The following CORO7 variants were observed in gnomAD, a reference collection of about 807,000 sequenced individuals.
CORO7 encodes coronin-7.
CORO7 carries 107 observed loss-of-function variants against 126.6 expected under a neutral mutation model. The ratio of observed to expected loss-of-function variants is 0.85; its 90% confidence interval spans 0.72 to 0.99. CORO7 has a LOEUF of 0.99. CORO7 is among the 50% of genes least tolerant of loss of function. The probability of loss-of-function intolerance (pLI) is 0.00; values close to 1 mark genes in which losing one functional copy is unlikely to be tolerated. For missense variants in CORO7, 1,314 were observed against 1,255.8 expected (o/e 1.05, Z -0.70); for synonymous variants, 603 against 536.8 (o/e 1.12, Z -1.70).
intron 12 of CORO7, 40 bp from the exon 13 acceptor site, chr16:4,364,729 C>T: frequency 6.3e-7 from 1 of 1,591,910 alleles, no homozygotes; most frequent in African/African-American, 1.3e-5. Context: ...GGCCCAGGCC[C>T]CCCGACTCCC....
Position 4,374,551 on chromosome 16 carries a change from G to T in CORO7, c.786-9006C>A, listed in dbSNP as rs8045158. Among the ~76,000 whole-genome samples, 166 of 152,268 alleles carry T rather than the reference G, an allele frequency of 1.1e-3. 2 individuals carry two copies. The highest frequency in any genetic ancestry group is 3.8e-3 in the African/African-American group (160 of 41,564). ...GGGAGGAGGGAGCCGGCCTACACCGGGAAGGGGCTGGGGCGGCCGCTGGGG... is the reference window on the plus strand; with the variant it reads ...GGGAGGAGGGAGCCGGCCTACACCGTGAAGGGGCTGGGGCGGCCGCTGGGG... On this transcript the variant is annotated intron_variant, in intron 9 of 27. Transcript: ENST00000251166.
Position 4,362,828 on chromosome 16 carries a change from G to C in CORO7, c.1276-90C>G. ...AGCGGACTCCAGGGTCACCACTCTG[G>C]GCCCCCTGCGGACTGGAGGAGCCCC... On this transcript the variant is annotated intron_variant, in intron 14 of 27. Transcript: ENST00000251166. The surrounding 1 kb of genome is among the most constrained non-coding windows in gnomAD (Gnocchi z 5.3). 8.0e-7 allele frequency: 1 copy of C among 1,257,492 alleles called. No homozygotes were observed. 77.9% of individuals were successfully genotyped at this position (1,257,492 alleles called of 1,614,324 possible). A position where few individuals can be genotyped will look rare whatever the true frequency, so the allele number is the denominator to read the frequency against.
chr16:4,392,184 G>A (rs1221123311), intron 7 of CORO7, among the ~76,000 whole-genome samples: 1 of 152,160 alleles, frequency 6.6e-6, no homozygotes, highest in Non-Finnish European at 1.5e-5. Flanking sequence ...CACTCATTTG[G>A]GGCTGCCACT....
Position 4,382,586 on chromosome 16 carries a change from G to T in CORO7, c.785+5400C>A, listed in dbSNP as rs780337131. 15 of 1,586,964 alleles carry T rather than the reference G, an allele frequency of 9.5e-6. No homozygotes were observed. The South Asian group carries it at 1.1e-4, about 12-fold the overall frequency. ...AACCACGCCCCAGTCACCCAGGCCC[G>T]CGAGGGCAACCTGCCGCTCCTCATT... On this transcript the variant is annotated intron_variant, in intron 9 of 27. Coordinates refer to ENST00000251166, the MANE Select transcript of CORO7 (RefSeq NM_024535.5).
chr16:4,354,596 G>C lies in CORO7; in HGVS notation c.*562C>G, dbSNP rs1045673841. 1.3e-5 allele frequency: 2 copies of C among 155,202 alleles called. No individual in the cohort carries two copies. Among genetic ancestry groups the C allele is most frequent in the African/African-American group, 4.8e-5 (2 of 41,602 alleles). The allele number at this position is 155,202 out of a possible 1,614,324, so 9.6% of individuals were successfully genotyped here. A position where few individuals can be genotyped will look rare whatever the true frequency, so the allele number is the denominator to read the frequency against. On this transcript the variant is annotated 3_prime_UTR_variant, in exon 28 of 28. Transcript: ENST00000251166. ...AAACATCCAAGGCAGGTGCGGGCCA[G>C]TCCCTGCGGGGCTCACACCCCCCTT...
intron 9 of CORO7, among the ~76,000 whole-genome samples, chr16:4,383,987 G>A (rs566521565): frequency 3.7e-4 from 57 of 152,336 alleles, no homozygotes; most frequent in African/African-American, 1.3e-3. Flanking sequence ...AGAGCCAAGC[G>A]GTTTGCATGG....
rs141480309 is a variant in CORO7, at chr16:4,363,573, G to A, written c.1275+703C>T. On this transcript the variant is annotated intron_variant, in intron 14 of 27. Coordinates refer to ENST00000251166, the MANE Select transcript of CORO7 (RefSeq NM_024535.5). Reference sequence around the variant, plus strand: ...TACTAAAGATACAAATTAGCCAGGCGTGGTGGCGCACGCCTGTAATCCCAG... The same window carrying A: ...TACTAAAGATACAAATTAGCCAGGCATGGTGGCGCACGCCTGTAATCCCAG... 9.2e-5 allele frequency among the ~76,000 whole-genome samples: 14 copies of A among 152,012 alleles called. No homozygotes were observed. The East Asian group carries it at 1.9e-3, about 21-fold the overall frequency.
chr16:4,392,619 GC>G (rs1348265913), intron 7 of CORO7, among the ~76,000 whole-genome samples: 1 of 152,176 alleles, frequency 6.6e-6, no homozygotes, highest in Admixed American at 6.5e-5. Flanking sequence ...AGGGCAGGCG[GC>G]CCCGCTCCCT....
At position 4,416,568 on chromosome 16, in the gene CORO7, T is replaced by C; in HGVS notation, c.-50A>G. On this transcript the variant is annotated 5_prime_UTR_variant, in exon 1 of 28. Transcript: ENST00000251166. ...GTCTTCGAGGACCCCGGGCGTCGGG[T>C]CTCAGGTGCACGCTGAGCAACCGCG... The C allele has an allele frequency of 6.4e-7, 1 of 1,566,360 alleles. No individual in the cohort carries two copies. The highest frequency in any genetic ancestry group is 8.6e-7 in the Non-Finnish European group (1 of 1,160,614).
chr16:4,403,431 G>A (rs978080745), intron 6 of CORO7, among the ~76,000 whole-genome samples: 7 of 152,142 alleles, frequency 4.6e-5, no homozygotes, highest in East Asian at 3.9e-4. Context: ...GCAATGCTGC[G>A]TCCCCGCAGG....
At chr16:4,408,142 C>G (rs1411053325) in intron 4 of CORO7, 39 bp downstream of exon 4, 1 of 1,613,696 alleles carries the variant, frequency 6.2e-7, no homozygotes, top group African/African-American at 1.3e-5. Flanking sequence ...GGACTACGGG[C>G]TGGGACATAG....
In CORO7 at chr16:4,385,149, C is replaced by T. The variant is rs904226908; in HGVS notation, c.785+2837G>A. 2.0e-5 allele frequency among the ~76,000 whole-genome samples: 3 copies of T among 152,280 alleles called. No individual in the cohort carries two copies. In the South Asian group the frequency reaches 6.2e-4, roughly 32 times the overall value. ...CTCTAGGCCAGGGACCAGGGGCAGA[C>T]GTGGGGGTGTGCGAGCCCCCATCAC... On this transcript the variant is annotated intron_variant, in intron 9 of 27. Coordinates refer to ENST00000251166, the MANE Select transcript of CORO7 (RefSeq NM_024535.5).
At chr16:4,355,259 C>T (rs748417518) in intron 27 of CORO7, 27 bp downstream of exon 27, 6 of 1,612,216 alleles carry the variant, frequency 3.7e-6, no homozygotes, top group East Asian at 2.2e-5. Flanking sequence ...CGCTGCCTGC[C>T]GGGAAGTGAG....
rs377474533 is a variant in CORO7, at chr16:4,416,450, C to T, written c.60+9G>A. ...AGGCGACAGCGCCCGGTCCTCGGGC[C>T]GGACTCACCTCGCGGCGGGGCGGCC... On this transcript the variant is annotated intron_variant, in intron 1 of 27. Transcript: ENST00000251166. 20 of 1,570,330 alleles carry T rather than the reference C, an allele frequency of 1.3e-5. No individual in the cohort carries two copies. In the African/African-American group the frequency reaches 1.6e-4, roughly 12 times the overall value.
At chr16:4,406,487 T>G (rs185393204) in intron 5 of CORO7, among the ~76,000 whole-genome samples, 2 of 151,006 alleles carry the variant, frequency 1.3e-5, no homozygotes, top group Non-Finnish European at 3.0e-5. Flanking sequence ...TTTGTAGAGA[T>G]TGTGTCTCAC....
At chr16:4,395,703 C>T (rs979992630) in intron 6 of CORO7, among the ~76,000 whole-genome samples, 1 of 152,182 alleles carries the variant, frequency 6.6e-6, no homozygotes, top group African/African-American at 2.4e-5. Context: ...GACAGACAAA[C>T]GGAGGTCCAG....
Position 4,361,232 on chromosome 16 carries a change from C to G in CORO7, c.1704G>C (p.Arg568Ser), listed in dbSNP as rs2054169292. 1 of 1,612,720 alleles carries G rather than the reference C, an allele frequency of 6.2e-7. No homozygotes were observed. Among genetic ancestry groups the G allele is most frequent in the African/African-American group, 1.3e-5 (1 of 75,052 alleles). Reference protein sequence around the residue: ...HRLAVAGEDARIRLWRVPAEG... With the variant: ...HRLAVAGEDASIRLWRVPAEG... Reference sequence around the variant, plus strand: ...CTGCGGGTACCCGCCACAGTCGGATCCTGGCGTCCTCACCAGCTGCAGAGG... The same window carrying G: ...CTGCGGGTACCCGCCACAGTCGGATGCTGGCGTCCTCACCAGCTGCAGAGG... Residue 568 changes from arginine to serine, a missense_variant, in exon 18 of 28, where the codon AGG (arginine) becomes AGC (serine). By Grantham distance (110) the Arg-to-Ser change is moderately radical. Coordinates refer to ENST00000251166, the MANE Select transcript of CORO7 (RefSeq NM_024535.5).
At chr16:4,403,471 G>A (rs1313196300) in intron 6 of CORO7, among the ~76,000 whole-genome samples, 1 of 152,156 alleles carries the variant, frequency 6.6e-6, no homozygotes, top group Non-Finnish European at 1.5e-5. Context: ...AACCAGGGAA[G>A]GAGGGGGAGT....
intron 7 of CORO7, 47 bp from the exon 8 acceptor site, chr16:4,388,678 G>A (rs1329507245): frequency 1.3e-6 from 2 of 1,573,554 alleles, no homozygotes; most frequent in South Asian, 2.3e-5. Context: ...CCCTGCTGGT[G>A]GGCGGGGCCC....
Sources: gnomAD v4.1 joint callset for allele counts (sites outside exome capture counted in the v4.1 genomes callset) on GRCh38, gnomAD v4.1.1 for gene constraint, Gnocchi (gnomAD v3.1) non-coding constraint, MANE v1.5 for transcripts, NCBI Gene and HGNC (gene_info 2026-07-23, HGNC 2026-07-21) for gene names.